Variants in TRPC4AP observed in about 807,000 individuals in gnomAD.
TRPC4AP encodes the protein transient receptor potential cation channel subfamily C member 4 associated protein.
Under a neutral mutation model 99.0 loss-of-function variants are expected in TRPC4AP, and 45 were observed. The observed-to-expected ratio is 0.45, with a 90% CI of 0.36 to 0.58. The LOEUF is 0.58. Among genes scored for constraint, TRPC4AP ranks in the 20% least tolerant of loss-of-function variants. The pLI is 0.00. For missense variants in TRPC4AP, 879 were observed against 985.3 expected (o/e 0.89, Z 1.44); for synonymous variants, 408 against 385.8 (o/e 1.06, Z -0.67).
chr20:35,033,328 A>G (rs1345524593), intron 8 of TRPC4AP, among the ~76,000 whole-genome samples: 2 of 152,108 alleles, frequency 1.3e-5, no homozygotes, highest in Admixed American at 6.5e-5. Context: ...TCCTTCCCCA[A>G]AGACTGGTGA....
chr20:35,067,254 G>T (rs2145985224), intron 3 of TRPC4AP, among the ~76,000 whole-genome samples: 1 of 152,344 alleles, frequency 6.6e-6, no homozygotes, highest in East Asian at 1.9e-4. Flanking sequence ...GGAGGCCAAG[G>T]CTGGGGGACT....
At chr20:35,073,537 T>A (rs144782422) in intron 2 of TRPC4AP, among the ~76,000 whole-genome samples, 5 of 152,276 alleles carry the variant, frequency 3.3e-5, no homozygotes, top group African/African-American at 1.2e-4. Flanking sequence ...TATCATGTGG[T>A]TTTTGTCTTT....
rs1285073281 is a variant in TRPC4AP at position 35,003,052 on chromosome 20, GCAGCAGGGAGGAA to G, written c.*81_*93del. The G allele has an allele frequency of 1.7e-5, 26 of 1,534,834 alleles. No homozygotes were observed. Among genetic ancestry groups the G allele is most frequent in the African/African-American group, 2.7e-5 (2 of 73,534 alleles). On this transcript the variant is annotated 3_prime_UTR_variant, in exon 19 of 19. Coordinates refer to ENST00000252015, the MANE Select transcript of TRPC4AP (RefSeq NM_015638.3). ...CCCAAAGACCTGGGGCAGGCAGAGA[GCAGCAGGGAGGAA>G]CGGGAACAGGGCAGGGCGTGTGGCA... is the stretch of plus-strand genomic sequence containing the variant.
In TRPC4AP at chr20:35,031,805, A is replaced by C. The variant is rs117619601; in HGVS notation, c.1051+3318T>G. On this transcript the variant is annotated intron_variant, in intron 8 of 18. Transcript: ENST00000252015. ...TCTTTAGAATGTTTAATCTCTATCA[A>C]CCTATTTTGCTGAGTCTTTCTTCTG... Among the ~76,000 whole-genome samples the C allele has an allele frequency of 1.2e-3, 181 of 151,484 alleles. 1 individual carries two copies. The highest frequency in any genetic ancestry group is 4.2e-3 in the African/African-American group (175 of 41,228).
In TRPC4AP at chr20:35,087,060, T is replaced by C. The variant is rs532661234; in HGVS notation, c.168+5554A>G. On this transcript the variant is annotated intron_variant, in intron 1 of 18. Coordinates refer to ENST00000252015, the MANE Select transcript of TRPC4AP (RefSeq NM_015638.3). ...AAAAAAAGAAGTCAGCCAGGCGCAGTGGCTCACACCTGTAATCCCAGCACC... is the reference window on the plus strand; with the variant it reads ...AAAAAAAGAAGTCAGCCAGGCGCAGCGGCTCACACCTGTAATCCCAGCACC... Among the ~76,000 whole-genome samples, 18 of 142,720 alleles carry C rather than the reference T, an allele frequency of 1.3e-4. No individual in the cohort carries two copies. The South Asian group carries it at 3.2e-3, about 25-fold the overall frequency. 93.6% of individuals were successfully genotyped at this position (142,720 alleles called of 152,430 possible). A position where few individuals can be genotyped will look rare whatever the true frequency, so the allele number is the denominator to read the frequency against.
intron 7 of TRPC4AP, among the ~76,000 whole-genome samples, chr20:35,037,701 C>T (rs149341919): frequency 0.011 from 1,673 of 152,312 alleles, 13 homozygotes; most frequent in Non-Finnish European, 0.015. Context: ...TTATGCACTG[C>T]ATTAACGCTG....
At chr20:35,083,693 C>A (rs2084714680) in intron 1 of TRPC4AP, among the ~76,000 whole-genome samples, 1 of 149,094 alleles carries the variant, frequency 6.7e-6, no homozygotes. Context: ...CAGAATAAGA[C>A]ATTTTCTGAT....
chr20:35,019,175 T>C (rs1339578166), intron 9 of TRPC4AP, among the ~76,000 whole-genome samples: 1 of 152,114 alleles, frequency 6.6e-6, no homozygotes, highest in African/African-American at 2.4e-5. Context: ...TGCTACCCAG[T>C]GTAGGCAGGA....
chr20:35,052,100 T>A (rs2083715582), intron 5 of TRPC4AP, among the ~76,000 whole-genome samples: 1 of 103,124 alleles, frequency 9.7e-6, no homozygotes, highest in Non-Finnish European at 2.2e-5. Context: ...TTTTTTTGGT[T>A]TTTTTTTTTT....
At chr20:35,057,414 T>C (rs2083862486) in intron 4 of TRPC4AP, 100 bp downstream of exon 4, 2 of 936,026 alleles carry the variant, frequency 2.1e-6, no homozygotes, top group African/African-American at 1.7e-5. Context: ...ATGTCCTTAC[T>C]ATTAAGAGTT....
chr20:35,079,263 AAT>A (rs2084562737), intron 1 of TRPC4AP, among the ~76,000 whole-genome samples: 1 of 152,212 alleles, frequency 6.6e-6, no homozygotes, highest in African/African-American at 2.4e-5. Context: ...AGCATGTCAA[AAT>A]ATGAGGCAAA....
intron 7 of TRPC4AP, among the ~76,000 whole-genome samples, chr20:35,043,990 C>T (rs1227666557): frequency 6.6e-6 from 1 of 152,010 alleles, no homozygotes; most frequent in Non-Finnish European, 1.5e-5. Context: ...TGGTTCTGAG[C>T]CCATTAACAA....
intron 14 of TRPC4AP, among the ~76,000 whole-genome samples, chr20:35,006,837 T>TG (rs1212760824): frequency 6.6e-6 from 1 of 152,250 alleles, no homozygotes. Context: ...TGACCTGCTC[T>TG]GTGGTCACCA....
chr20:35,047,617 G>A (rs2083589526), intron 6 of TRPC4AP, among the ~76,000 whole-genome samples: 1 of 152,128 alleles, frequency 6.6e-6, no homozygotes, highest in African/African-American at 2.4e-5. Context: ...CTGGGGCAGT[G>A]GCTTCTAAAC....
At chr20:35,005,980 G>A (rs1028174615) in intron 15 of TRPC4AP, among the ~76,000 whole-genome samples, 177 bp from the exon 16 acceptor site, 5 of 152,184 alleles carry the variant, frequency 3.3e-5, no homozygotes, top group African/African-American at 9.7e-5. Context: ...GGTACTAAGA[G>A]GCACTCCCCG....
In TRPC4AP at chr20:35,016,016, A is replaced by C; in HGVS notation, c.1342T>G (p.Cys448Gly). ...GGGGGTCTCCTGCTTACCGGGCTACAGTCACAGTTCTGGTTGTGACCATGG... is the reference window on the plus strand; with the variant it reads ...GGGGGTCTCCTGCTTACCGGGCTACCGTCACAGTTCTGGTTGTGACCATGG... ...VLHGHNQNCDCSPDITLKIQF... is the reference protein window; with the variant it reads ...VLHGHNQNCDGSPDITLKIQF... Residue 448 changes from cysteine to glycine, a missense_variant, in exon 10 of 19, where the codon TGT (cysteine) becomes GGT (glycine). Around this residue, in one of 3 missense-constraint regions of TRPC4AP, gnomAD observed 603 missense variants for 631.8 expected, o/e 0.95. Transcript: ENST00000252015. The C allele has an allele frequency of 6.2e-7, 1 of 1,614,224 alleles. No homozygotes were observed.
chr20:35,065,795 T>A (rs1234499574), intron 3 of TRPC4AP, among the ~76,000 whole-genome samples: 2 of 152,192 alleles, frequency 1.3e-5, no homozygotes, highest in Admixed American at 6.5e-5. Context: ...ACATTTCCAC[T>A]GCAAATAGAC....
chr20:35,047,246 C>T (rs1275715282), intron 6 of TRPC4AP, among the ~76,000 whole-genome samples: 3 of 152,102 alleles, frequency 2.0e-5, no homozygotes, highest in African/African-American at 7.2e-5. Flanking sequence ...CTGTGTGTGC[C>T]TTTCCTATTG....
chr20:35,030,281 T>C, intron 8 of TRPC4AP: 1 of 147,556 alleles, frequency 6.8e-6, no homozygotes, highest in Admixed American at 6.7e-5. Flanking sequence ...ACCACATACA[T>C]CTTAATCTTT....
Sources: allele counts gnomAD v4.1 joint callset (sites outside exome capture counted in the v4.1 genomes callset), GRCh38; gene constraint gnomAD v4.1.1; regional missense constraint gnomAD v4.1.1; transcripts MANE v1.5; gene names NCBI Gene and HGNC (gene_info 2026-07-23, HGNC 2026-07-21).